Variants in DYRK1A observed in about 807,000 individuals in gnomAD.
DYRK1A encodes the protein dual specificity tyrosine-phosphorylation-regulated kinase 1A.
In DYRK1A, 9 loss-of-function variants were observed where a neutral mutation model predicts 79.7. The observed-to-expected ratio is 0.11, with a 90% CI of 0.07 to 0.20. The LOEUF is 0.20. Among genes scored for constraint, DYRK1A ranks in the 10% least tolerant of loss-of-function variants. The probability of loss-of-function intolerance (pLI) is 1.00; values close to 1 mark genes in which losing one functional copy is unlikely to be tolerated. For synonymous variants in DYRK1A, 349 were observed against 329.7 expected, an observed-to-expected ratio of 1.06 and a Z score of -0.63; for missense variants, 622 against 956.0, an observed-to-expected ratio of 0.65 and a Z score of 4.61.
intron 4 of DYRK1A, among the ~76,000 whole-genome samples, 172 bp from the exon 5 acceptor site, chr21:37,480,466 C>T (rs1330835949): frequency 6.6e-6 from 1 of 152,206 alleles, no homozygotes; most frequent in Non-Finnish European, 1.5e-5. Flanking sequence ...AGTCTATAAA[C>T]AGTATAACTA....
intron 1 of DYRK1A, among the ~76,000 whole-genome samples, chr21:37,374,714 G>C (rs1227904202): frequency 6.6e-6 from 1 of 152,004 alleles, no homozygotes; most frequent in East Asian, 1.9e-4. Context: ...CACCACGCCT[G>C]GCTAATTTTT....
intron 1 of DYRK1A, among the ~76,000 whole-genome samples, chr21:37,371,677 A>T (rs745514566): frequency 1.4e-4 from 22 of 152,190 alleles, no homozygotes; most frequent in Non-Finnish European, 2.8e-4. Flanking sequence ...TTTGGGGCAG[A>T]TGCTCATATC....
chr21:37,481,112 G>A (rs1055409580), intron 5 of DYRK1A: 1 of 265,120 alleles, frequency 3.8e-6, no homozygotes, highest in Admixed American at 5.2e-5. Context: ...TTTGTTATGG[G>A]CCTTGTATAG....
chr21:37,381,221 AG>A (rs1289115906), intron 1 of DYRK1A, among the ~76,000 whole-genome samples: 1 of 152,232 alleles, frequency 6.6e-6, no homozygotes, highest in Non-Finnish European at 1.5e-5. Flanking sequence ...TACAGTAGGA[AG>A]ATGTTTGTTG....
intron 2 of DYRK1A, chr21:37,428,826 T>C (rs960245296): frequency 6.0e-5 from 7 of 116,896 alleles, no homozygotes; most frequent in Non-Finnish European, 1.2e-4. Context: ...CCTCAAAAGG[T>C]GAAATTTAAG....
At chr21:37,446,136 A>T (rs562463026) in intron 2 of DYRK1A, among the ~76,000 whole-genome samples, 4 of 152,268 alleles carry the variant, frequency 2.6e-5, no homozygotes, top group South Asian at 4.1e-4. Context: ...CTTGTTAGTG[A>T]CCCACACCTG....
In DYRK1A at chr21:37,482,780, T is replaced by G. The variant is rs2052699689; in HGVS notation, c.489+1954T>G. 2.0e-5 allele frequency among the ~76,000 whole-genome samples: 3 copies of G among 152,134 alleles called. No homozygotes were observed. In the South Asian group the frequency reaches 6.2e-4, roughly 32 times the overall value. ...AAGACGGCCACACCCAAGGGGGCCA[T>G]TTCAGAGACCTACCCTCAGGGGCTC... On this transcript the variant is annotated intron_variant, in intron 5 of 11. Coordinates refer to ENST00000647188, the MANE Select transcript of DYRK1A (RefSeq NM_001347721.2).
At chr21:37,450,717 A>G (rs71332583) in intron 2 of DYRK1A, among the ~76,000 whole-genome samples, 7,154 of 152,220 alleles carry the variant, frequency 0.047, 222 homozygotes, top group Middle Eastern at 0.14. Context: ...GGATTCAGGG[A>G]CCACACTCCG....
At chr21:37,420,236 C>G in intron 1 of DYRK1A, 63 bp from the exon 2 acceptor site, 1 of 541,808 alleles carries the variant, frequency 1.8e-6, no homozygotes, top group South Asian at 4.0e-5. Context: ...GTTAGATATT[C>G]CTCAGTTGGG....
At position 37,512,937 on chromosome 21, in the gene DYRK1A, CT is replaced by C; in HGVS notation, c.*411del. The C allele has an allele frequency of 4.9e-5, 1 of 20,296 alleles. No individual in the cohort carries two copies. Among genetic ancestry groups the C allele is most frequent in the Non-Finnish European group, 1.1e-4 (1 of 9,472 alleles). The allele number at this position is 20,296 out of a possible 1,614,324, so 1.3% of individuals were successfully genotyped here. On this transcript the variant is annotated 3_prime_UTR_variant, in exon 12 of 12. Coordinates refer to ENST00000647188, the MANE Select transcript of DYRK1A (RefSeq NM_001347721.2). Reference sequence around the variant, plus strand: ...CCCCATGAGGGTGTTTTTTTTTTTTCTTTTTGTCCCCCCCATCCCCCTTTTT... The same window carrying C: ...CCCCATGAGGGTGTTTTTTTTTTTTCTTTTGTCCCCCCCATCCCCCTTTTT...
intron 2 of DYRK1A, among the ~76,000 whole-genome samples, chr21:37,463,920 T>G (rs1202378088): frequency 1.3e-5 from 2 of 152,206 alleles, no homozygotes; most frequent in East Asian, 3.8e-4. Flanking sequence ...AATTAAATTA[T>G]TTTCATTTAC....
At chr21:37,421,187 G>A (rs2050464932) in intron 2 of DYRK1A, among the ~76,000 whole-genome samples, 2 of 152,100 alleles carry the variant, frequency 1.3e-5, no homozygotes, top group Middle Eastern at 3.4e-3. Context: ...AGCCTTATTT[G>A]ATTATATTTA....
At chr21:37,414,752 G>A (rs955899873) in intron 1 of DYRK1A, among the ~76,000 whole-genome samples, 4 of 152,122 alleles carry the variant, frequency 2.6e-5, no homozygotes, top group African/African-American at 9.7e-5. Flanking sequence ...TTAGGTTCCC[G>A]AAAAGCTCTG....
chr21:37,380,464 A>G (rs2049634087), intron 1 of DYRK1A, among the ~76,000 whole-genome samples: 1 of 152,008 alleles, frequency 6.6e-6, no homozygotes, highest in Non-Finnish European at 1.5e-5. Flanking sequence ...AAAGCTAGGT[A>G]AATTTACCTA....
At chr21:37,474,299 G>A (rs908975552) in intron 3 of DYRK1A, among the ~76,000 whole-genome samples, 15 of 151,972 alleles carry the variant, frequency 9.9e-5, no homozygotes, top group Admixed American at 2.0e-4. Flanking sequence ...TCCAACTAAC[G>A]TCTTATGTGT....
intron 1 of DYRK1A, among the ~76,000 whole-genome samples, chr21:37,377,041 A>G (rs76460412): frequency 0.14 from 21,196 of 152,240 alleles, 1,600 homozygotes; most frequent in Middle Eastern, 0.16. Context: ...GTGTATGTAC[A>G]CAGTGTCTGT....
chr21:37,474,614 A>G (rs1450188479), intron 3 of DYRK1A, among the ~76,000 whole-genome samples: 1 of 152,184 alleles, frequency 6.6e-6, no homozygotes, highest in East Asian at 1.9e-4. Flanking sequence ...TGTACCCTTC[A>G]TATCTGTTCC....
intron 1 of DYRK1A, among the ~76,000 whole-genome samples, chr21:37,377,838 G>T (rs2049578233): frequency 6.6e-6 from 1 of 152,160 alleles, no homozygotes; most frequent in Non-Finnish European, 1.5e-5. Flanking sequence ...GGACATTTAA[G>T]TTCATATTTT....
intron 2 of DYRK1A, among the ~76,000 whole-genome samples, chr21:37,441,857 A>G (rs1425911546): frequency 6.7e-6 from 1 of 150,176 alleles, no homozygotes; most frequent in African/African-American, 2.5e-5. Flanking sequence ...ATCTAGTTTC[A>G]TTTTCCTTCA....
Sources: allele counts gnomAD v4.1 joint callset (sites outside exome capture counted in the v4.1 genomes callset), GRCh38; gene constraint gnomAD v4.1.1; transcripts MANE v1.5; gene names NCBI Gene and HGNC (gene_info 2026-07-23, HGNC 2026-07-21).